Variants in SMARCA2 observed in about 807,000 individuals in gnomAD.
SMARCA2 encodes the protein SWI/SNF related BAF chromatin remodeling complex subunit ATPase 2.
SMARCA2 carries 61 observed loss-of-function variants against 199.8 expected under a neutral mutation model. The ratio of observed to expected loss-of-function variants is 0.31; its 90% CI spans 0.25 to 0.38. The LOEUF (loss-of-function observed/expected upper bound fraction) is 0.38, where lower values mean the gene tolerates loss of function less well. Ranked by LOEUF, SMARCA2 falls within the 10% of genes least tolerant of loss-of-function variation. SMARCA2 has a pLI of 1.00. For missense variants in SMARCA2, 1,344 were observed against 2,012.2 expected, an observed-to-expected ratio of 0.67 and a Z score of 6.35; for synonymous variants, 935 against 732.0, an observed-to-expected ratio of 1.28 and a Z score of -4.48.
intron 10 of SMARCA2, 34 bp from the exon 11 acceptor site, chr9:2,073,178 A>G (rs1310633246): frequency 2.5e-6 from 4 of 1,613,214 alleles, no homozygotes; most frequent in South Asian, 2.2e-5. Context: ...AGGTCTTAAC[A>G]TGAAACCGTG....
At chr9:2,138,544 A>C (rs1179104877) in intron 27 of SMARCA2, among the ~76,000 whole-genome samples, 1 of 152,156 alleles carries the variant, frequency 6.6e-6, no homozygotes, top group Non-Finnish European at 1.5e-5. Flanking sequence ...TCATCCTCAA[A>C]AGTTGAGCTT....
At chr9:2,050,559 C>A (rs56275566) in intron 5 of SMARCA2, among the ~76,000 whole-genome samples, 5,451 of 151,872 alleles carry the variant, frequency 0.036, 293 homozygotes, top group African/African-American at 0.12. Flanking sequence ...TAAAGTCAGA[C>A]TTTAGTATGA....
chr9:2,029,336 TAAC>T (rs760744863), intron 2 of SMARCA2, 89 bp downstream of exon 2: 9 of 1,514,550 alleles, frequency 5.9e-6, no homozygotes, highest in Non-Finnish European at 8.0e-6. Context: ...CTACTGTTGT[TAAC>T]AAGAAAATCA....
chr9:2,163,424 T>C (rs1024138525), intron 28 of SMARCA2, among the ~76,000 whole-genome samples: 3 of 152,232 alleles, frequency 2.0e-5, no homozygotes, highest in Admixed American at 2.0e-4. Flanking sequence ...AAGTCCATGC[T>C]TTGTCCAGAG....
At chr9:2,112,707 T>C (rs566334980) in intron 24 of SMARCA2, among the ~76,000 whole-genome samples, 32 of 152,314 alleles carry the variant, frequency 2.1e-4, no homozygotes, top group African/African-American at 7.5e-4. Context: ...TTCCACCTGA[T>C]TGAATAAACT....
chr9:2,029,998 T>C (rs1045074605), intron 2 of SMARCA2, among the ~76,000 whole-genome samples: 3 of 152,230 alleles, frequency 2.0e-5, no homozygotes, highest in African/African-American at 2.4e-5. Flanking sequence ...ACAGTTTGCT[T>C]TGAAAGTAAG....
At chr9:2,043,142 G>A (rs1390965820) in intron 4 of SMARCA2, 14 of 151,976 alleles carry the variant, frequency 9.2e-5, no homozygotes, top group African/African-American at 1.9e-4. Context: ...ATTCACTTAC[G>A]TAGAGGTAGT....
chr9:2,060,758 A>G, intron 8 of SMARCA2, 58 bp from the exon 9 acceptor site: 2 of 1,505,102 alleles, frequency 1.3e-6, no homozygotes, highest in Non-Finnish European at 1.8e-6. Flanking sequence ...CAGAGTGGAG[A>G]GTGGAGTTGT....
intron 27 of SMARCA2, chr9:2,160,456 T>C: frequency 1.9e-6 from 1 of 537,798 alleles, no homozygotes; most frequent in African/African-American, 1.9e-5. Flanking sequence ...TGCCAGGTTG[T>C]TTTGTGTTCT....
At chr9:2,145,027 T>C (rs1294859962) in intron 27 of SMARCA2, among the ~76,000 whole-genome samples, 1 of 152,142 alleles carries the variant, frequency 6.6e-6, no homozygotes, top group Non-Finnish European at 1.5e-5. Context: ...GCGCTGGTTA[T>C]GGTGGCTCAT....
rs1266003487 is a variant in SMARCA2, at chr9:2,169,364, C to T, written c.4200-1055C>T. Among the ~76,000 whole-genome samples the T allele has an allele frequency of 6.6e-6, 1 of 152,222 alleles. No individual in the cohort carries two copies. The highest frequency in any genetic ancestry group is 2.4e-5 in the African/African-American group (1 of 41,448). Reference sequence around the variant, plus strand: ...TGCCTACCCGATGATGACCAGACTTCTTAGCGTAGGAGAATTGTTATCTTC... The same window carrying T: ...TGCCTACCCGATGATGACCAGACTTTTTAGCGTAGGAGAATTGTTATCTTC... On this transcript the variant is annotated intron_variant, in intron 28 of 33. Coordinates refer to ENST00000349721, the MANE Select transcript of SMARCA2 (RefSeq NM_003070.5). The surrounding 1 kb of genome is among the most constrained non-coding windows in gnomAD (Gnocchi z 6.5).
At chr9:2,077,212 T>C (rs1286312078) in intron 13 of SMARCA2, among the ~76,000 whole-genome samples, 1 of 152,184 alleles carries the variant, frequency 6.6e-6, no homozygotes, top group East Asian at 1.9e-4. Flanking sequence ...CTCCCAGCTT[T>C]AGCCAGTGTT....
chr9:2,114,546 A>G (rs963948055), intron 24 of SMARCA2, among the ~76,000 whole-genome samples: 5 of 152,232 alleles, frequency 3.3e-5, no homozygotes, highest in African/African-American at 1.2e-4. Context: ...AAAAATCTAT[A>G]CAGTCTAATG....
intron 27 of SMARCA2, 70 bp downstream of exon 27, chr9:2,124,007 C>T (rs1197695084): frequency 7.9e-7 from 1 of 1,269,774 alleles, no homozygotes; most frequent in Non-Finnish European, 1.1e-6. Flanking sequence ...AACCAGGGGC[C>T]TAGAGCTGGG....
chr9:2,036,959 G>C (rs1231500325), intron 3 of SMARCA2, among the ~76,000 whole-genome samples: 2 of 152,196 alleles, frequency 1.3e-5, no homozygotes, highest in Non-Finnish European at 2.9e-5. Context: ...TTTGCCATGA[G>C]TGAGATTGTA....
chr9:2,047,346 C>T lies in SMARCA2; in HGVS notation c.908C>T (p.Pro303Leu). 2.1e-6 allele frequency: 3 copies of T among 1,422,462 alleles called. No homozygotes were observed. Among genetic ancestry groups the T allele is most frequent in the Non-Finnish European group, 2.8e-6 (3 of 1,077,596 alleles). The allele number at this position is 1,422,462 out of a possible 1,614,324, so 88.1% of individuals were successfully genotyped here. ...GCGCAGCCGCCCGCGGCCGCAGTGC[C>T]CGGGCCCTCAGTGCCGCAGCCGGCC... ...AAAQPPAAAVPGPSVPQPAPG... is the reference protein window; with the variant it reads ...AAAQPPAAAVLGPSVPQPAPG... The change falls in exon 5 of 34, where the codon CCC becomes CTC. Residue 303 changes from proline to leucine, a missense_variant. This residue lies in a region of SMARCA2 where 117 missense variants were observed against 99.1 expected (regional missense o/e 1.18). Coordinates refer to ENST00000349721, the MANE Select transcript of SMARCA2 (RefSeq NM_003070.5).
At chr9:2,166,772 G>A (rs1027873697) in intron 28 of SMARCA2, among the ~76,000 whole-genome samples, 5 of 152,118 alleles carry the variant, frequency 3.3e-5, no homozygotes, top group Non-Finnish European at 7.3e-5. Flanking sequence ...CCTTAAGGTT[G>A]GCTACCCATC....
intron 9 of SMARCA2, among the ~76,000 whole-genome samples, chr9:2,064,613 C>T (rs1233754878): frequency 6.6e-6 from 1 of 152,056 alleles, no homozygotes; most frequent in African/African-American, 2.4e-5. Context: ...AGTTGGAAAT[C>T]AGTTGAATAT....
chr9:2,191,605 G>A (rs371316256), intron 33 of SMARCA2, 197 bp downstream of exon 33: 84 of 491,336 alleles, frequency 1.7e-4, no homozygotes, highest in African/African-American at 1.4e-3. Context: ...TTTGTTTATT[G>A]CCTTTTTAAT....
Sources: gnomAD v4.1 joint callset for allele counts (sites outside exome capture counted in the v4.1 genomes callset) on GRCh38, gnomAD v4.1.1 for gene constraint, gnomAD v4.1.1 regional missense constraint, Gnocchi (gnomAD v3.1) non-coding constraint, MANE v1.5 for transcripts, NCBI Gene and HGNC (gene_info 2026-07-23, HGNC 2026-07-21) for gene names.